ORC4: variants seen among roughly 807,000 people sequenced by gnomAD.
ORC4 encodes the protein origin recognition complex, subunit 4 homolog.
ORC4 carries 55 observed loss-of-function variants against 63.9 expected under a neutral mutation model. The observed-to-expected ratio is 0.86, with a 90% CI of 0.69 to 1.08. The LOEUF (loss-of-function observed/expected upper bound fraction) is 1.08, where lower values mean the gene tolerates loss of function less well. Ranked by LOEUF, ORC4 falls within the 50% of genes least tolerant of loss-of-function variation. ORC4 has a pLI of 0.00. For synonymous variants in ORC4, 150 were observed against 168.5 expected (o/e 0.89, Z 0.85); for missense variants, 511 against 504.4 (o/e 1.01, Z -0.13).
Position 148,012,757 on chromosome 2 carries a change from A to ATC in ORC4, c.-18+7874_-18+7875dup, listed in dbSNP as rs1444498997. Among the ~76,000 whole-genome samples, 11 of 152,276 alleles carry ATC rather than the reference A, an allele frequency of 7.2e-5. No homozygotes were observed. The East Asian group carries it at 1.9e-3, about 27-fold the overall frequency. ...TCAAACGACTCAATAGGAAAAAAAA[A>ATC]TCTGATTTTAAAATGGGCAAAAGAT... is the stretch of plus-strand genomic sequence containing the variant. On this transcript the variant is annotated intron_variant, in intron 1 of 13. Coordinates refer to ENST00000392857, the MANE Select transcript of ORC4 (RefSeq NM_181741.4).
chr2:148,020,245 T>C (rs1328448792), intron 1 of ORC4, among the ~76,000 whole-genome samples: 1 of 152,180 alleles, frequency 6.6e-6, no homozygotes, highest in African/African-American at 2.4e-5. Flanking sequence ...CTGGTCAAAA[T>C]GCATACAGAG....
chr2:147,932,306 G>T lies in ORC4; in HGVS notation c.*3204C>A, dbSNP rs1442939370. 6.6e-6 allele frequency: 1 copy of T among 152,010 alleles called. No homozygotes were observed. The highest frequency in any genetic ancestry group is 1.9e-4 in the East Asian group (1 of 5,184). 9.4% of individuals were successfully genotyped at this position (152,010 alleles called of 1,614,324 possible). On this transcript the variant is annotated 3_prime_UTR_variant, in exon 14 of 14. Coordinates refer to ENST00000392857, the MANE Select transcript of ORC4 (RefSeq NM_181741.4). ...AGCTACTGCTCAAGGAAATAAAAGAGGATACAAACAAATGGAAGAACATTC... is the reference window on the plus strand; with the variant it reads ...AGCTACTGCTCAAGGAAATAAAAGATGATACAAACAAATGGAAGAACATTC...
At chr2:147,987,659 T>C (rs1041324091) in intron 1 of ORC4, among the ~76,000 whole-genome samples, 2 of 152,022 alleles carry the variant, frequency 1.3e-5, no homozygotes, top group African/African-American at 4.8e-5. Context: ...AGTTTCAAAG[T>C]TGTCCAAGCA....
At chr2:147,950,943 A>AT (rs35962777) in intron 8 of ORC4, among the ~76,000 whole-genome samples, 37,361 of 145,112 alleles carry the variant, frequency 0.26, 5,437 homozygotes, top group East Asian at 0.45. Flanking sequence ...CCAAAGGAAG[A>AT]TTTTTTTTTT....
At position 147,935,243 on chromosome 2, in the gene ORC4, T is replaced by TA. The variant is rs1573735568; in HGVS notation, c.*266dup. On this transcript the variant is annotated 3_prime_UTR_variant, in exon 14 of 14. Coordinates refer to ENST00000392857, the MANE Select transcript of ORC4 (RefSeq NM_181741.4). ...AATAGACCATTATATATATAAGTGT[T>TA]AAAAAAGCACATGGTCTAGTCCCTA... 4.4e-6 allele frequency: 2 copies of TA among 456,304 alleles called. No individual in the cohort carries two copies. Among genetic ancestry groups the TA allele is most frequent in the Non-Finnish European group, 4.0e-6 (1 of 248,504 alleles). The allele number at this position is 456,304 out of a possible 1,614,324, so 28.3% of individuals were successfully genotyped here.
intron 1 of ORC4, among the ~76,000 whole-genome samples, chr2:148,012,439 A>G (rs1423518615): frequency 6.6e-6 from 1 of 152,210 alleles, no homozygotes; most frequent in African/African-American, 2.4e-5. Flanking sequence ...GCCATATACA[A>G]AAATCAAAGA....
At chr2:148,005,670 A>C (rs1306354399) in intron 1 of ORC4, among the ~76,000 whole-genome samples, 2 of 148,788 alleles carry the variant, frequency 1.3e-5, no homozygotes, top group Non-Finnish European at 3.0e-5. Flanking sequence ...AAAAAAAAAA[A>C]AAAAAAAAAA....
intron 1 of ORC4, among the ~76,000 whole-genome samples, chr2:148,006,747 T>C (rs1379381089): frequency 1.3e-5 from 2 of 152,198 alleles, no homozygotes; most frequent in African/African-American, 4.8e-5. Flanking sequence ...TAAAGTGGCC[T>C]TTGGCCTTGA....
intron 10 of ORC4, among the ~76,000 whole-genome samples, chr2:147,940,593 TAAAG>T (rs1471235140): frequency 6.6e-6 from 1 of 151,834 alleles, no homozygotes; most frequent in African/African-American, 2.4e-5. Context: ...TGGATATGGA[TAAAG>T]AAACTGTGGT....
At chr2:147,945,259 T>G (rs2105277773) in intron 9 of ORC4, among the ~76,000 whole-genome samples, 1 of 152,176 alleles carries the variant, frequency 6.6e-6, no homozygotes, top group Non-Finnish European at 1.5e-5. Context: ...GCTTCAAAGG[T>G]TAATCTTCTA....
intron 1 of ORC4, among the ~76,000 whole-genome samples, chr2:147,980,695 T>G (rs1392391574): frequency 6.6e-6 from 1 of 152,008 alleles, no homozygotes; most frequent in African/African-American, 2.4e-5. Flanking sequence ...AAGGCTATTG[T>G]CAAAAAAAGG....
At chr2:148,001,892 T>A (rs563564445) in intron 1 of ORC4, among the ~76,000 whole-genome samples, 2 of 151,994 alleles carry the variant, frequency 1.3e-5, no homozygotes, top group East Asian at 3.9e-4. Context: ...ACACAAAGGT[T>A]CAAAATAAAG....
chr2:147,992,200 A>C (rs962199684), intron 1 of ORC4, among the ~76,000 whole-genome samples: 4 of 152,188 alleles, frequency 2.6e-5, no homozygotes, highest in African/African-American at 9.7e-5. Flanking sequence ...AATCCAAGCT[A>C]ATGTGTTTAA....
At position 147,999,802 on chromosome 2, in the gene ORC4, T is replaced by C. The variant is rs749700686; in HGVS notation, c.-18+20831A>G. On this transcript the variant is annotated intron_variant, in intron 1 of 13. Transcript: ENST00000392857. ...ATAAATTTGAACATGCAATCAATGATTGCTACATAGCTGAGGAAAGCCTCG... is the reference window on the plus strand; with the variant it reads ...ATAAATTTGAACATGCAATCAATGACTGCTACATAGCTGAGGAAAGCCTCG... 1.5e-3 allele frequency among the ~76,000 whole-genome samples: 234 copies of C among 152,242 alleles called. 1 individual carries two copies. The highest frequency in any genetic ancestry group is 5.6e-4 in the Non-Finnish European group (38 of 68,006).
intron 1 of ORC4, among the ~76,000 whole-genome samples, chr2:148,018,277 A>C (rs906617411): frequency 6.6e-6 from 1 of 152,224 alleles, no homozygotes; most frequent in Non-Finnish European, 1.5e-5. Context: ...ATAAAGCCAC[A>C]TTCATCAAGT....
intron 1 of ORC4, among the ~76,000 whole-genome samples, chr2:148,004,252 A>C (rs1251773684): frequency 6.6e-6 from 1 of 152,208 alleles, no homozygotes; most frequent in African/African-American, 2.4e-5. Context: ...AGAATTAGAA[A>C]AAAAACTACT....
At chr2:147,954,122 A>C (rs1573777374) in intron 7 of ORC4, among the ~76,000 whole-genome samples, 1 of 151,998 alleles carries the variant, frequency 6.6e-6, no homozygotes, top group East Asian at 1.9e-4. Context: ...GAGAGAAAAA[A>C]CTTTCTAGAT....
intron 4 of ORC4, among the ~76,000 whole-genome samples, chr2:147,969,474 T>G (rs1006666127): frequency 6.6e-6 from 1 of 152,052 alleles, no homozygotes; most frequent in South Asian, 2.1e-4. Context: ...GACTATTTTA[T>G]GAAATAAATG....
At chr2:148,014,735 A>C (rs960561085) in intron 1 of ORC4, among the ~76,000 whole-genome samples, 1 of 152,224 alleles carries the variant, frequency 6.6e-6, no homozygotes, top group Non-Finnish European at 1.5e-5. Flanking sequence ...CAGTATAACA[A>C]TATTTACATA....
Sources: allele counts gnomAD v4.1 joint callset (sites outside exome capture counted in the v4.1 genomes callset), GRCh38; gene constraint gnomAD v4.1.1; transcripts MANE v1.5; gene names NCBI Gene and HGNC (gene_info 2026-07-23, HGNC 2026-07-21).